Variants in CYP7B1 observed in about 807,000 individuals in gnomAD.
CYP7B1 encodes the protein cytochrome P450 family 7 subfamily B member 1, also known as cytochrome P450 7B1.
A neutral mutation model predicts 42.7 loss-of-function variants in CYP7B1; 29 were observed. The ratio of observed to expected loss-of-function variants is 0.68; its 90% confidence interval spans 0.51 to 0.93. The LOEUF (loss-of-function observed/expected upper bound fraction) is 0.93. Ranked by LOEUF, CYP7B1 falls within the 40% of genes least tolerant of loss-of-function variation. The probability of loss-of-function intolerance (pLI) is 0.00; values close to 1 mark genes in which losing one functional copy is unlikely to be tolerated. For synonymous variants in CYP7B1, 235 were observed against 218.2 expected (o/e 1.08, Z -0.68); for missense variants, 655 against 600.5 (o/e 1.09, Z -0.95).
chr8:64,771,045 A>ATTTTTTTTTTTTTTT (rs1308107007), intron 1 of CYP7B1, among the ~76,000 whole-genome samples: 2 of 40,496 alleles, frequency 4.9e-5, no homozygotes, highest in Non-Finnish European at 5.5e-5. Flanking sequence ...GGATATCAGC[A>ATTTTTTTTTTTTTTT]TCTTTTTTTT....
intron 1 of CYP7B1, among the ~76,000 whole-genome samples, chr8:64,748,045 T>C (rs1281599803): frequency 2.0e-5 from 3 of 152,136 alleles, no homozygotes; most frequent in Non-Finnish European, 4.4e-5. Context: ...ACTCCTCTTC[T>C]GGGGACAACG....
chr8:64,741,282 G>A (rs1412734003), intron 1 of CYP7B1, among the ~76,000 whole-genome samples: 1 of 152,076 alleles, frequency 6.6e-6, no homozygotes, highest in Non-Finnish European at 1.5e-5. Flanking sequence ...AATTTTCTTT[G>A]CGCATAACAT....
chr8:64,796,257 G>T (rs1257619407), intron 1 of CYP7B1, among the ~76,000 whole-genome samples: 2 of 152,216 alleles, frequency 1.3e-5, no homozygotes, highest in South Asian at 2.1e-4. Flanking sequence ...AATTGCAGCT[G>T]GTATGAAAGA....
intron 1 of CYP7B1, among the ~76,000 whole-genome samples, chr8:64,725,113 C>A (rs540084967): frequency 6.6e-6 from 1 of 152,184 alleles, no homozygotes; most frequent in Non-Finnish European, 1.5e-5. Context: ...TTAGATCACC[C>A]CCTTTGGTCC....
At chr8:64,621,785 G>C (rs375026174) in intron 2 of CYP7B1, among the ~76,000 whole-genome samples, 1 of 149,946 alleles carries the variant, frequency 6.7e-6, no homozygotes, top group East Asian at 1.9e-4. Context: ...CAACAGGCTG[G>C]AGTGCAGTGG....
chr8:64,760,591 A>G (rs1056963129), intron 1 of CYP7B1, among the ~76,000 whole-genome samples: 2 of 152,158 alleles, frequency 1.3e-5, no homozygotes, highest in African/African-American at 4.8e-5. Context: ...CACCAGGTAC[A>G]TGAAAAGGTG....
intron 1 of CYP7B1, among the ~76,000 whole-genome samples, chr8:64,726,119 T>A (rs1339581872): frequency 6.6e-6 from 1 of 152,104 alleles, no homozygotes; most frequent in African/African-American, 2.4e-5. Flanking sequence ...GAAATATAGA[T>A]CCCTTTTATG....
intron 1 of CYP7B1, among the ~76,000 whole-genome samples, chr8:64,765,248 CAG>C (rs1299801262): frequency 6.6e-6 from 1 of 152,164 alleles, no homozygotes; most frequent in Non-Finnish European, 1.5e-5. Context: ...TAAAAGTTAA[CAG>C]TGTAACCTGC....
intron 1 of CYP7B1, among the ~76,000 whole-genome samples, chr8:64,700,988 T>C (rs1373147841): frequency 6.6e-6 from 1 of 152,050 alleles, no homozygotes; most frequent in Non-Finnish European, 1.5e-5. Context: ...ATCAAATCTT[T>C]TTTGCTTGTG....
chr8:64,656,353 G>T (rs772893128), intron 1 of CYP7B1, among the ~76,000 whole-genome samples: 1 of 152,178 alleles, frequency 6.6e-6, no homozygotes, highest in Non-Finnish European at 1.5e-5. Context: ...AAATGTCATG[G>T]GGGGTAGAGA....
At position 64,596,138 on chromosome 8, in the gene CYP7B1, T is replaced by C; in HGVS notation, c.*504A>G. ...TTAATGCACACATACCCTGGAAATA[T>C]AGGTATTATTAATATTATACTTGAA... On this transcript the variant is annotated 3_prime_UTR_variant, in exon 6 of 6. Coordinates refer to ENST00000310193, the MANE Select transcript of CYP7B1 (RefSeq NM_004820.5). The C allele has an allele frequency of 6.1e-6, 1 of 163,286 alleles. No homozygotes were observed. The highest frequency in any genetic ancestry group is 1.2e-4 in the South Asian group (1 of 8,546). 10.1% of individuals were successfully genotyped at this position (163,286 alleles called of 1,614,324 possible).
At chr8:64,634,065 T>C (rs1369020007) in intron 1 of CYP7B1, among the ~76,000 whole-genome samples, 1 of 152,210 alleles carries the variant, frequency 6.6e-6, no homozygotes, top group Non-Finnish European at 1.5e-5. Context: ...ATTACAAAGG[T>C]TTGATCTTTG....
At chr8:64,657,282 T>C (rs944630828) in intron 1 of CYP7B1, among the ~76,000 whole-genome samples, 5 of 152,176 alleles carry the variant, frequency 3.3e-5, no homozygotes, top group Admixed American at 1.3e-4. Context: ...AAGAGGGCTC[T>C]AGGTTTTAGT....
At chr8:64,758,918 T>C (rs901657238) in intron 1 of CYP7B1, among the ~76,000 whole-genome samples, 2 of 152,230 alleles carry the variant, frequency 1.3e-5, no homozygotes, top group Non-Finnish European at 2.9e-5. Context: ...TAGTCCCTGC[T>C]CCTTATGTCA....
chr8:64,693,707 T>C (rs971338924), intron 1 of CYP7B1, among the ~76,000 whole-genome samples: 2 of 152,110 alleles, frequency 1.3e-5, no homozygotes, highest in African/African-American at 4.8e-5. Context: ...TCAAGAGCAT[T>C]CAAGAGAAAT....
intron 1 of CYP7B1, among the ~76,000 whole-genome samples, chr8:64,708,687 A>AT (rs891766042): frequency 6.6e-6 from 1 of 152,186 alleles, no homozygotes; most frequent in Non-Finnish European, 1.5e-5. Context: ...GAAATTAATA[A>AT]TTTTTTGAAA....
intron 1 of CYP7B1, among the ~76,000 whole-genome samples, chr8:64,637,800 C>T (rs9298087): frequency 0.5 from 75,396 of 151,944 alleles, 20,141 homozygotes; most frequent in Non-Finnish European, 0.58. Flanking sequence ...TGTTTTTGCA[C>T]GTGCCTCATT....
At chr8:64,766,999 C>A (rs927223155) in intron 1 of CYP7B1, among the ~76,000 whole-genome samples, 1 of 152,196 alleles carries the variant, frequency 6.6e-6, no homozygotes, top group African/African-American at 2.4e-5. Context: ...CTTCTCCCAG[C>A]CACTAAGTTG....
intron 1 of CYP7B1, among the ~76,000 whole-genome samples, chr8:64,652,704 C>A (rs1428295455): frequency 1.3e-5 from 2 of 151,962 alleles, no homozygotes; most frequent in African/African-American, 2.4e-5. Flanking sequence ...GTTAGCCGGG[C>A]GTGGTGGCAG....
Sources: gnomAD v4.1 joint callset for allele counts (sites outside exome capture counted in the v4.1 genomes callset) on GRCh38, gnomAD v4.1.1 for gene constraint, MANE v1.5 for transcripts, NCBI Gene and HGNC (gene_info 2026-07-23, HGNC 2026-07-21) for gene names.